BBX: variants seen among roughly 807,000 people sequenced by gnomAD.
The protein encoded by BBX is HMG box transcription factor BBX.
In BBX, 30 loss-of-function variants were observed where a neutral mutation model predicts 100.2. That is an observed-to-expected ratio of 0.30 (90% CI 0.22 to 0.41). The LOEUF is 0.41. Ranked by LOEUF, BBX falls within the 10% of genes least tolerant of loss-of-function variation. The pLI is 1.00. For synonymous variants in BBX, 376 were observed against 388.1 expected (o/e 0.97, Z 0.37); for missense variants, 1,023 against 1,129.8 (o/e 0.91, Z 1.35).
At chr3:107,697,307 T>A (rs1054472924) in intron 3 of BBX, among the ~76,000 whole-genome samples, 3 of 151,836 alleles carry the variant, frequency 2.0e-5, no homozygotes, top group Non-Finnish European at 4.4e-5. Flanking sequence ...TTCTGCTCTG[T>A]TTTTTCCCCA....
At chr3:107,606,013 A>G (rs1329365944) in intron 2 of BBX, among the ~76,000 whole-genome samples, 1 of 152,236 alleles carries the variant, frequency 6.6e-6, no homozygotes, top group Admixed American at 6.5e-5. Flanking sequence ...ATGATATAGT[A>G]AAAGTTCAGA....
chr3:107,760,679 A>G (rs2065827112), intron 10 of BBX, among the ~76,000 whole-genome samples: 1 of 147,646 alleles, frequency 6.8e-6, no homozygotes, highest in South Asian at 2.2e-4. Context: ...AGAAAATATT[A>G]GCAGGCATGT....
intron 4 of BBX, among the ~76,000 whole-genome samples, chr3:107,712,247 C>A (rs1282540148): frequency 1.3e-5 from 2 of 152,132 alleles, no homozygotes; most frequent in Non-Finnish European, 2.9e-5. Flanking sequence ...GCATTATTTA[C>A]CCTTCAAATG....
chr3:107,761,839 A>G (rs2065924707), intron 10 of BBX, among the ~76,000 whole-genome samples: 1 of 152,170 alleles, frequency 6.6e-6, no homozygotes, highest in Admixed American at 6.6e-5. Context: ...AGATCCCTCC[A>G]CTGCTCCCAA....
At chr3:107,659,609 A>G in intron 3 of BBX, 1 of 540,484 alleles carries the variant, frequency 1.9e-6, no homozygotes, top group Non-Finnish European at 2.9e-6. Context: ...TATCTGCCCA[A>G]GGTTACGCTG....
At chr3:107,530,301 A>G (rs2048067250) in intron 2 of BBX, among the ~76,000 whole-genome samples, 1 of 152,102 alleles carries the variant, frequency 6.6e-6, no homozygotes, top group Admixed American at 6.5e-5. Flanking sequence ...CTGAGGCAGG[A>G]GAATCCCTTG....
chr3:107,791,982 CA>C (rs1434265761), intron 15 of BBX, among the ~76,000 whole-genome samples: 1 of 152,098 alleles, frequency 6.6e-6, no homozygotes, highest in Non-Finnish European at 1.5e-5. Flanking sequence ...GCCTGGGCAA[CA>C]ACAACAAAAA....
intron 9 of BBX, among the ~76,000 whole-genome samples, chr3:107,750,562 G>A (rs2065005041): frequency 6.6e-6 from 1 of 152,118 alleles, no homozygotes. Flanking sequence ...TTATACAAGA[G>A]TAGTTCATGG....
intron 3 of BBX, among the ~76,000 whole-genome samples, chr3:107,692,664 G>T (rs1262676329): frequency 6.6e-6 from 1 of 151,306 alleles, no homozygotes; most frequent in African/African-American, 2.4e-5. Flanking sequence ...ACATACGTGT[G>T]CATGTGTCTT....
At chr3:107,531,381 C>G (rs1003942255) in intron 2 of BBX, among the ~76,000 whole-genome samples, 11 of 152,104 alleles carry the variant, frequency 7.2e-5, no homozygotes, top group Non-Finnish European at 1.3e-4. Flanking sequence ...CCTCACATCC[C>G]TTAAACTTTT....
At chr3:107,675,830 G>A (rs2059253067) in intron 3 of BBX, among the ~76,000 whole-genome samples, 1 of 152,048 alleles carries the variant, frequency 6.6e-6, no homozygotes. Flanking sequence ...CTGTGAATTG[G>A]GGGACAAGAT....
At chr3:107,785,116 A>G (rs1049743853) in intron 13 of BBX, among the ~76,000 whole-genome samples, 4 of 151,758 alleles carry the variant, frequency 2.6e-5, no homozygotes, top group African/African-American at 9.7e-5. Context: ...TAAGAAATAG[A>G]TAATCTTGAT....
intron 2 of BBX, among the ~76,000 whole-genome samples, chr3:107,645,530 A>C (rs1261372205): frequency 6.6e-6 from 1 of 152,154 alleles, no homozygotes. Flanking sequence ...GTAATTCTAC[A>C]CTTAATTATA....
At chr3:107,600,117 A>G (rs1396164210) in intron 2 of BBX, among the ~76,000 whole-genome samples, 11 of 152,232 alleles carry the variant, frequency 7.2e-5, no homozygotes, top group Non-Finnish European at 2.9e-5. Flanking sequence ...ATAGCCTAAA[A>G]CCATTGATGC....
intron 3 of BBX, among the ~76,000 whole-genome samples, chr3:107,683,647 A>G (rs2059685050): frequency 6.6e-6 from 1 of 152,178 alleles, no homozygotes; most frequent in Admixed American, 6.6e-5. Flanking sequence ...CTAAGTTATC[A>G]GGCTGTCAGT....
chr3:107,685,448 A>AG lies in BBX; in HGVS notation c.-9-25000dup, dbSNP rs1017186259. On this transcript the variant is annotated intron_variant, in intron 3 of 17. Coordinates refer to ENST00000325805, the MANE Select transcript of BBX (RefSeq NM_001142568.3). ...TTCTAAATGAAATTGAAGGAAGCAA[A>AG]GGGGAGGAAACTCATCAAAGGTTGC... Among the ~76,000 whole-genome samples, 27 of 152,190 alleles carry AG rather than the reference A, an allele frequency of 1.8e-4. 1 individual carries two copies. The highest frequency in any genetic ancestry group is 4.0e-4 in the Non-Finnish European group (27 of 68,026).
chr3:107,687,425 G>A (rs965100848), intron 3 of BBX, among the ~76,000 whole-genome samples: 2 of 151,956 alleles, frequency 1.3e-5, no homozygotes, highest in African/African-American at 4.8e-5. Flanking sequence ...GAATGGAGAG[G>A]GGGGAATGGA....
In BBX at chr3:107,527,475, A is replaced by C. The variant is rs1272369657; in HGVS notation, c.-84+1077A>C. 2.6e-5 allele frequency among the ~76,000 whole-genome samples: 4 copies of C among 152,344 alleles called. No homozygotes were observed. The East Asian group carries it at 7.7e-4, about 29-fold the overall frequency. On this transcript the variant is annotated intron_variant, in intron 2 of 17. Coordinates refer to ENST00000325805, the MANE Select transcript of BBX (RefSeq NM_001142568.3). ...ATTGTCTTTGTATTAAGAATATAAA[A>C]CTGTTGTCTTAGTATTGAGTTAGAG...
intron 2 of BBX, among the ~76,000 whole-genome samples, chr3:107,642,424 T>C (rs1272004037): frequency 6.6e-6 from 1 of 152,156 alleles, no homozygotes; most frequent in Non-Finnish European, 1.5e-5. Context: ...AAAACTTGCA[T>C]TATAAAATGG....
Sources: allele counts gnomAD v4.1 joint callset (sites outside exome capture counted in the v4.1 genomes callset), GRCh38; gene constraint gnomAD v4.1.1; transcripts MANE v1.5; gene names NCBI Gene and HGNC (gene_info 2026-07-23, HGNC 2026-07-21).